Variants in CFAP47 observed in about 807,000 individuals in gnomAD.
CFAP47 encodes the protein cilia- and flagella-associated protein 47.
CFAP47 carries 29 observed loss-of-function variants against 148.1 expected under a neutral mutation model. The ratio of observed to expected loss-of-function variants is 0.20; its 90% confidence interval spans 0.15 to 0.27. The LOEUF (loss-of-function observed/expected upper bound fraction) is 0.27. CFAP47 is among the 10% of genes least tolerant of loss of function. CFAP47 has a pLI of 1.00. For missense variants in CFAP47, 1,872 were observed against 1,697.5 expected, an observed-to-expected ratio of 1.10 and a Z score of -1.81; for synonymous variants, 664 against 577.3, an observed-to-expected ratio of 1.15 and a Z score of -2.15.
intron 35 of CFAP47, among the ~76,000 whole-genome samples, chrX:36,142,104 T>C (rs1939152681): frequency 8.9e-6 from 1 of 112,187 alleles, no homozygotes; most frequent in African/African-American, 3.2e-5. Context: ...AGGCATTCAA[T>C]AGCTGTCTTT....
intron 27 of CFAP47, among the ~76,000 whole-genome samples, chrX:36,066,026 C>T (rs765665564): frequency 8.9e-6 from 1 of 111,895 alleles, no homozygotes; most frequent in East Asian, 2.8e-4. Context: ...TAATGCTATG[C>T]CCTTTATTCT....
At chrX:36,042,791 GT>G (rs1466286835) in intron 25 of CFAP47, among the ~76,000 whole-genome samples, 7 of 111,381 alleles carry the variant, frequency 6.3e-5, no homozygotes, top group Admixed American at 9.6e-5. Flanking sequence ...TTCAACTAAA[GT>G]TTTCATGGAG....
intron 40 of CFAP47, 102 bp from the exon 41 acceptor site, chrX:36,188,518 T>C (rs1939831649): frequency 6.9e-6 from 2 of 289,834 alleles, no homozygotes; most frequent in African/African-American, 5.5e-5. Flanking sequence ...CATTTGTACT[T>C]AGCCATAACT....
intron 42 of CFAP47, among the ~76,000 whole-genome samples, chrX:36,193,646 T>TG (rs1467041785): frequency 9.0e-6 from 1 of 111,012 alleles, no homozygotes; most frequent in Non-Finnish European, 1.9e-5. Flanking sequence ...GCTGCCAATA[T>TG]GGGGGCAGGT....
At position 36,265,760 on chromosome X, in the gene CFAP47, T is replaced by G. The variant is rs782344148; in HGVS notation, c.7444+14316T>G. 6.4e-3 allele frequency among the ~76,000 whole-genome samples: 715 copies of G among 111,927 alleles called. 3 individuals carry two copies. Among genetic ancestry groups the G allele is most frequent in the African/African-American group, 0.022 (683 of 30,694 alleles). On this transcript the variant is annotated intron_variant, in intron 49 of 63. Transcript: ENST00000378653. ...TTCTGGGAAGATAGTGTGATTTTTTTGGGGGGTAAAAAGATACTGTGACTT... is the reference window on the plus strand; with the variant it reads ...TTCTGGGAAGATAGTGTGATTTTTTGGGGGGGTAAAAAGATACTGTGACTT...
intron 45 of CFAP47, among the ~76,000 whole-genome samples, chrX:36,206,753 T>A (rs1940043484): frequency 8.9e-6 from 1 of 112,132 alleles, no homozygotes. Flanking sequence ...TGTTCAGATA[T>A]TTTTCTAAGG....
chrX:36,321,156 A>C (rs1369083805), intron 57 of CFAP47, among the ~76,000 whole-genome samples: 1 of 112,143 alleles, frequency 8.9e-6, no homozygotes, highest in Non-Finnish European at 1.9e-5. Flanking sequence ...GAATGTATGA[A>C]GTAAATATGG....
At position 36,315,964 on chromosome X, in the gene CFAP47, C is replaced by T. The variant is rs186414002; in HGVS notation, c.8345-3245C>T. Among the ~76,000 whole-genome samples the T allele has an allele frequency of 1.5e-3, 166 of 111,294 alleles. 1 individual carries two copies. The highest frequency in any genetic ancestry group is 4.9e-3 in the African/African-American group (150 of 30,629). On this transcript the variant is annotated intron_variant, in intron 56 of 63. Coordinates refer to ENST00000378653, the MANE Select transcript of CFAP47 (RefSeq NM_001304548.2). The stretch of plus-strand genomic sequence containing the variant: ...TAAGACAGGAACCCTCTGAAATTGG[C>T]GTTATATCTGTTTTAAGGAGGATAA...
intron 3 of CFAP47, among the ~76,000 whole-genome samples, chrX:35,946,514 G>T (rs1252901601): frequency 9.0e-6 from 1 of 110,730 alleles, no homozygotes; most frequent in East Asian, 2.8e-4. Context: ...TATTTGAAAT[G>T]GATATAATTT....
At chrX:36,164,091 T>C (rs761346249) in intron 39 of CFAP47, among the ~76,000 whole-genome samples, 1 of 111,862 alleles carries the variant, frequency 8.9e-6, no homozygotes, top group African/African-American at 3.2e-5. Flanking sequence ...AAGATTTGTT[T>C]TATGGCGTAT....
intron 15 of CFAP47, among the ~76,000 whole-genome samples, chrX:35,977,141 G>A: frequency 8.9e-6 from 1 of 111,948 alleles, no homozygotes; most frequent in South Asian, 3.8e-4. Context: ...TAGATGAAAA[G>A]GCTGGATCTT....
intron 21 of CFAP47, 39 bp from the exon 22 acceptor site, chrX:36,014,734 AG>A: frequency 3.5e-6 from 1 of 288,227 alleles, no homozygotes; most frequent in Non-Finnish European, 6.1e-6. Flanking sequence ...TATTTCGCAA[AG>A]CAAAAATTAA....
At chrX:36,190,471 A>G (rs1288926907) in intron 42 of CFAP47, among the ~76,000 whole-genome samples, 1 of 112,335 alleles carries the variant, frequency 8.9e-6, no homozygotes, top group Non-Finnish European at 1.9e-5. Flanking sequence ...ACAAATTATC[A>G]CACACCAGGT....
At chrX:36,187,800 A>G (rs190005039) in intron 40 of CFAP47, among the ~76,000 whole-genome samples, 112 of 111,908 alleles carry the variant, frequency 1.0e-3, no homozygotes, top group African/African-American at 3.5e-3. Context: ...AATACAGTAC[A>G]GTGTTACTCA....
intron 51 of CFAP47, among the ~76,000 whole-genome samples, chrX:36,291,451 A>C (rs1941191500): frequency 9.0e-6 from 1 of 111,416 alleles, no homozygotes; most frequent in African/African-American, 3.3e-5. Context: ...CATCACAGCT[A>C]TCTGAAAGAC....
intron 39 of CFAP47, among the ~76,000 whole-genome samples, chrX:36,172,207 A>G (rs1423434312): frequency 4.1e-5 from 4 of 98,312 alleles, no homozygotes; most frequent in African/African-American, 1.4e-4. Context: ...GGCTGAGACA[A>G]TGGGGTTTTC....
intron 52 of CFAP47, 86 bp downstream of exon 52, chrX:36,299,238 T>A: frequency 3.7e-6 from 2 of 539,278 alleles, no homozygotes; most frequent in Non-Finnish European, 5.4e-6. Flanking sequence ...CTATAATCAT[T>A]AAAATTACAC....
chrX:36,325,400 T>C (rs1021360134), intron 57 of CFAP47, among the ~76,000 whole-genome samples: 2 of 111,821 alleles, frequency 1.8e-5, no homozygotes, highest in African/African-American at 6.5e-5. Flanking sequence ...CTTAGACTCT[T>C]ACCCTCTACA....
chrX:36,333,942 C>T (rs1161669826), intron 57 of CFAP47, among the ~76,000 whole-genome samples: 5 of 111,574 alleles, frequency 4.5e-5, no homozygotes, highest in African/African-American at 1.6e-4. Flanking sequence ...TTATCTAATA[C>T]TTGTAATTGT....
Sources: gnomAD v4.1 joint callset for allele counts (sites outside exome capture counted in the v4.1 genomes callset) on GRCh38, gnomAD v4.1.1 for gene constraint, MANE v1.5 for transcripts, NCBI Gene and HGNC (gene_info 2026-07-23, HGNC 2026-07-21) for gene names.